The following CNKSR3 variants were observed in gnomAD, a reference collection of about 807,000 sequenced individuals.
CNKSR3 encodes connector enhancer of kinase suppressor of ras 3.
Under a neutral mutation model 67.7 loss-of-function variants are expected in CNKSR3, and 36 were observed. The ratio of observed to expected loss-of-function variants is 0.53; its 90% confidence interval spans 0.41 to 0.70. The LOEUF is 0.70. Ranked by LOEUF, CNKSR3 falls within the 30% of genes least tolerant of loss-of-function variation. CNKSR3 has a pLI of 0.00. For synonymous variants in CNKSR3, 281 were observed against 271.4 expected (o/e 1.04, Z -0.35); for missense variants, 630 against 695.2 (o/e 0.91, Z 1.05).
At chr6:154,411,372 C>T (rs1784907792) in intron 10 of CNKSR3, among the ~76,000 whole-genome samples, 5 of 152,232 alleles carry the variant, frequency 3.3e-5, no homozygotes, top group Middle Eastern at 3.4e-3. Flanking sequence ...GCAGGCCGGA[C>T]ACAGCGGCTC....
At chr6:154,413,793 G>A (rs1380748008) in intron 10 of CNKSR3, among the ~76,000 whole-genome samples, 1 of 152,032 alleles carries the variant, frequency 6.6e-6, no homozygotes, top group African/African-American at 2.4e-5. Context: ...TGTCACCCAG[G>A]CTGGATTGCA....
chr6:154,508,478 G>A (rs1019834424), intron 1 of CNKSR3, among the ~76,000 whole-genome samples: 1 of 152,136 alleles, frequency 6.6e-6, no homozygotes, highest in Non-Finnish European at 1.5e-5. Flanking sequence ...GCTGAAATTT[G>A]CAGTGTCTCA....
intron 1 of CNKSR3, among the ~76,000 whole-genome samples, chr6:154,467,777 G>T (rs908318167): frequency 6.6e-6 from 1 of 151,340 alleles, no homozygotes; most frequent in Non-Finnish European, 1.5e-5. Context: ...TGTCTGTTTT[G>T]AGATGGAGTC....
chr6:154,488,012 T>C (rs1436658657), intron 1 of CNKSR3, among the ~76,000 whole-genome samples: 2 of 152,146 alleles, frequency 1.3e-5, no homozygotes, highest in Non-Finnish European at 2.9e-5. Context: ...ACCAAACAAC[T>C]CTAATCTTTA....
At chr6:154,483,880 T>C (rs1200864558) in intron 1 of CNKSR3, among the ~76,000 whole-genome samples, 1 of 152,166 alleles carries the variant, frequency 6.6e-6, no homozygotes, top group South Asian at 2.1e-4. Flanking sequence ...CTGAGTCTAG[T>C]CCCTCACACA....
At position 154,478,007 on chromosome 6, in the gene CNKSR3, G is replaced by A. The variant is rs575059662; in HGVS notation, c.53-27749C>T. On this transcript the variant is annotated intron_variant, in intron 1 of 12. Transcript: ENST00000607772. ...GTCCTTATGACGGAAGAGAGGCAGC[G>A]AACACACAAACCCAGAACAGGGCAG... Among the ~76,000 whole-genome samples, 8 of 152,278 alleles carry A rather than the reference G, an allele frequency of 5.3e-5. No homozygotes were observed. In the East Asian group the frequency reaches 1.4e-3, roughly 26 times the overall value.
At chr6:154,426,546 G>A (rs918384778) in intron 7 of CNKSR3, among the ~76,000 whole-genome samples, 6 of 151,936 alleles carry the variant, frequency 3.9e-5, no homozygotes, top group African/African-American at 9.7e-5. Context: ...TAGTAGAGAC[G>A]GGGTTTCACC....
intron 1 of CNKSR3, among the ~76,000 whole-genome samples, chr6:154,475,383 A>G (rs1381990982): frequency 6.6e-6 from 1 of 151,960 alleles, no homozygotes; most frequent in Non-Finnish European, 1.5e-5. Context: ...ATTAGGCAGG[A>G]CCCAGCAATA....
chr6:154,468,172 G>T (rs1786247499), intron 1 of CNKSR3, among the ~76,000 whole-genome samples: 1 of 150,412 alleles, frequency 6.6e-6, no homozygotes, highest in South Asian at 2.1e-4. Flanking sequence ...CACCTCTTGG[G>T]TTCAAGCAAC....
intron 9 of CNKSR3, among the ~76,000 whole-genome samples, chr6:154,415,585 T>C (rs1354134431): frequency 6.6e-6 from 1 of 152,136 alleles, no homozygotes. Context: ...GCCCCATCTA[T>C]AAAATGAGAA....
chr6:154,411,163 T>C (rs762813307), intron 10 of CNKSR3, 21 bp from the exon 11 acceptor site: 3 of 1,546,396 alleles, frequency 1.9e-6, no homozygotes, highest in South Asian at 1.1e-5. Context: ...ATATGGACAA[T>C]AATTAAGTTG....
At chr6:154,471,071 G>A (rs538789791) in intron 1 of CNKSR3, among the ~76,000 whole-genome samples, 11 of 152,062 alleles carry the variant, frequency 7.2e-5, no homozygotes, top group East Asian at 1.9e-4. Flanking sequence ...CCAGACAGTG[G>A]AAGAAAAAAA....
At chr6:154,495,498 A>T (rs1290373836) in intron 1 of CNKSR3, among the ~76,000 whole-genome samples, 1 of 151,560 alleles carries the variant, frequency 6.6e-6, no homozygotes, top group Non-Finnish European at 1.5e-5. Flanking sequence ...CCTCTCAAGT[A>T]ACTGGGACTA....
chr6:154,415,115 A>AAAAAC (rs1562321195), intron 9 of CNKSR3, among the ~76,000 whole-genome samples: 17 of 150,270 alleles, frequency 1.1e-4, no homozygotes, highest in Non-Finnish European at 2.1e-4. Context: ...AAAAAAAAAA[A>AAAAAC]AAAAAAACAA....
chr6:154,498,966 C>T (rs762770843), intron 1 of CNKSR3, among the ~76,000 whole-genome samples: 1 of 152,166 alleles, frequency 6.6e-6, no homozygotes, highest in African/African-American at 2.4e-5. Context: ...CTCCCCTATT[C>T]GAGTCAGGTC....
chr6:154,424,756 G>GTT (rs201362803), intron 7 of CNKSR3, among the ~76,000 whole-genome samples: 20 of 151,984 alleles, frequency 1.3e-4, no homozygotes, highest in Admixed American at 7.2e-4. Context: ...TTTCTGTTTT[G>GTT]TTTTTTTGTT....
intron 4 of CNKSR3, among the ~76,000 whole-genome samples, chr6:154,440,335 G>A (rs72995441): frequency 0.027 from 4,115 of 152,258 alleles, 93 homozygotes; most frequent in Non-Finnish European, 0.044. Context: ...CAAATCAGCA[G>A]TAGAAACAAA....
chr6:154,454,543 T>G (rs894663285), intron 1 of CNKSR3, among the ~76,000 whole-genome samples: 1 of 152,040 alleles, frequency 6.6e-6, no homozygotes, highest in African/African-American at 2.4e-5. Flanking sequence ...AAATTTGTTG[T>G]TTGTTTGTTT....
At chr6:154,439,334 G>GA (rs1198019382) in intron 4 of CNKSR3, among the ~76,000 whole-genome samples, 4 of 152,116 alleles carry the variant, frequency 2.6e-5, no homozygotes, top group African/African-American at 7.2e-5. Context: ...AAAATGTATT[G>GA]AAAGAAGTGT....
Sources: gnomAD v4.1 joint callset for allele counts (sites outside exome capture counted in the v4.1 genomes callset) on GRCh38, gnomAD v4.1.1 for gene constraint, MANE v1.5 for transcripts, NCBI Gene and HGNC (gene_info 2026-07-23, HGNC 2026-07-21) for gene names.